CDKL3: variants seen among roughly 807,000 people sequenced by gnomAD.
CDKL3 encodes cyclin-dependent kinase-like 3.
Under a neutral mutation model 69.3 loss-of-function variants are expected in CDKL3, and 65 were observed. The observed-to-expected ratio is 0.94, with a 90% CI of 0.77 to 1.15. CDKL3 has a LOEUF of 1.15. CDKL3 is among the 50% of genes most tolerant of loss of function. The pLI, the probability that CDKL3 is intolerant of heterozygous loss-of-function variation, is 0.00. For synonymous variants in CDKL3, 202 were observed against 221.6 expected, an observed-to-expected ratio of 0.91 and a Z score of 0.79; for missense variants, 652 against 689.2, an observed-to-expected ratio of 0.95 and a Z score of 0.61.
intron 4 of CDKL3, among the ~76,000 whole-genome samples, chr5:134,336,238 G>C (rs1777084933): frequency 6.6e-6 from 1 of 152,020 alleles, no homozygotes; most frequent in African/African-American, 2.4e-5. Flanking sequence ...CTTTTTTCAA[G>C]GTTTTTAGCT....
At chr5:134,363,957 TAAAAAAAAAA>T (rs1206131261) in intron 2 of CDKL3, among the ~76,000 whole-genome samples, 1 of 96,434 alleles carries the variant, frequency 1.0e-5, no homozygotes, top group Non-Finnish European at 2.1e-5. Flanking sequence ...CTCCATTTCT[TAAAAAAAAAA>T]AAAAAAAAAA....
chr5:134,303,386 T>A (rs1766845280), intron 11 of CDKL3, among the ~76,000 whole-genome samples: 1 of 152,176 alleles, frequency 6.6e-6, no homozygotes. Flanking sequence ...CTATAAATCT[T>A]ATATATTTAA....
chr5:134,334,443 G>C (rs1289914158), intron 4 of CDKL3, among the ~76,000 whole-genome samples: 4 of 151,964 alleles, frequency 2.6e-5, no homozygotes, highest in African/African-American at 7.3e-5. Context: ...TTCTCTTATG[G>C]GCACTTAGTG....
At chr5:134,334,593 A>AT (rs1448435715) in intron 4 of CDKL3, among the ~76,000 whole-genome samples, 2 of 152,064 alleles carry the variant, frequency 1.3e-5, no homozygotes, top group Non-Finnish European at 2.9e-5. Flanking sequence ...TCAGGAACAG[A>AT]TTGTTCAGTT....
intron 12 of CDKL3, among the ~76,000 whole-genome samples, chr5:134,301,447 T>C (rs1046748716): frequency 2.6e-5 from 4 of 152,224 alleles, no homozygotes; most frequent in African/African-American, 9.6e-5. Flanking sequence ...CCAAATATTA[T>C]AGAGATCAAG....
intron 5 of CDKL3, 116 bp from the exon 6 acceptor site, chr5:134,319,613 G>A: frequency 1.1e-6 from 1 of 918,332 alleles, no homozygotes; most frequent in Non-Finnish European, 1.6e-6. Context: ...GGAAGAATGT[G>A]AATTATGTAT....
chr5:134,351,782 A>G (rs1753371690), intron 3 of CDKL3, among the ~76,000 whole-genome samples: 4 of 152,172 alleles, frequency 2.6e-5, no homozygotes, highest in Admixed American at 2.6e-4. Flanking sequence ...TAACATTGTT[A>G]ATTTTAATTG....
At chr5:134,363,870 AT>A (rs1458987422) in intron 2 of CDKL3, among the ~76,000 whole-genome samples, 1 of 151,238 alleles carries the variant, frequency 6.6e-6, no homozygotes, top group Non-Finnish European at 1.5e-5. Context: ...AGACAGGAAG[AT>A]CGCTTAAGCC....
At chr5:134,355,235 G>GAAAAAAAAAAA (rs60153337) in intron 3 of CDKL3, among the ~76,000 whole-genome samples, 2 of 74,468 alleles carry the variant, frequency 2.7e-5, no homozygotes, top group African/African-American at 4.4e-5. Flanking sequence ...TCTGTCTCAG[G>GAAAAAAAAAAA]AAAAAAAAAA....
chr5:134,300,151 C>A (rs1203604825), intron 12 of CDKL3, among the ~76,000 whole-genome samples: 1 of 152,112 alleles, frequency 6.6e-6, no homozygotes, highest in Non-Finnish European at 1.5e-5. Flanking sequence ...CCAGCCTGGA[C>A]AACATGGTGA....
At chr5:134,366,598 T>C in intron 1 of CDKL3, 54 bp from the exon 2 acceptor site, 1 of 1,094,928 alleles carries the variant, frequency 9.1e-7, no homozygotes, top group Non-Finnish European at 1.3e-6. Context: ...ATACTTTTAT[T>C]TATTAAAACT....
chr5:134,336,870 G>C (rs1199787740), intron 4 of CDKL3, among the ~76,000 whole-genome samples: 1 of 152,204 alleles, frequency 6.6e-6, no homozygotes, highest in Non-Finnish European at 1.5e-5. Context: ...AGAGCTGTCA[G>C]GCAGGGACGT....
In CDKL3 at chr5:134,302,632, T is replaced by A. The variant is rs1188911099; in HGVS notation, c.1677A>T (p.Ile559=). ...TTTGATCCACGTTAAGTAAAGTTGG[T>A]ATCTTAGATGACTCTGTTTTCTTTG... ...RESKKTESSK[I]PTLLNVDQNQ... is the part of the protein sequence containing the mutation. The change falls in exon 12 of 13, where the codon ATA becomes ATT. Residue 559 remains isoleucine, a synonymous_variant. Coordinates refer to ENST00000265334, the MANE Select transcript of CDKL3 (RefSeq NM_001113575.2). 1 of 1,603,870 alleles carries A rather than the reference T, an allele frequency of 6.2e-7. No homozygotes were observed. The highest frequency in any genetic ancestry group is 1.1e-5 in the South Asian group (1 of 89,444).
At chr5:134,360,368 C>T (rs1755724085) in intron 2 of CDKL3, among the ~76,000 whole-genome samples, 1 of 152,110 alleles carries the variant, frequency 6.6e-6, no homozygotes, top group Admixed American at 6.6e-5. Context: ...CCATGCCCAG[C>T]TCATTTTTGT....
intron 4 of CDKL3, among the ~76,000 whole-genome samples, chr5:134,330,589 C>A (rs1381689908): frequency 6.6e-6 from 1 of 152,102 alleles, no homozygotes; most frequent in African/African-American, 2.4e-5. Context: ...GTGGCACATA[C>A]CTGTAGTCCC....
chr5:134,350,825 A>G (rs1251955743), intron 3 of CDKL3, among the ~76,000 whole-genome samples: 3 of 144,606 alleles, frequency 2.1e-5, no homozygotes, highest in African/African-American at 8.1e-5. Flanking sequence ...AAAAAAAGAA[A>G]AAAAAGAAAA....
downstream of CDKL3, among the ~76,000 whole-genome samples, chr5:134,283,728 T>G (rs952636396): frequency 1.3e-5 from 2 of 152,026 alleles, no homozygotes; most frequent in Admixed American, 6.6e-5. Flanking sequence ...AAGTCTTAAC[T>G]CATTTCAGCA....
At chr5:134,370,030 AG>A (rs1300503419), upstream of CDKL3, among the ~76,000 whole-genome samples, 1 of 152,242 alleles carries the variant, frequency 6.6e-6, no homozygotes, top group African/African-American at 2.4e-5. Flanking sequence ...ATCAAGAGTT[AG>A]GCCTGGCTAA....
At position 134,366,507 on chromosome 5, in the gene CDKL3, G is replaced by C; in HGVS notation, c.17C>G (p.Thr6Ser). Reference sequence around the variant, plus strand: ...ACTTCCCTCTCCCACTTTTCCAAGGGTTTCATACATCTCCATTTTCAAGCT... The same window carrying C: ...ACTTCCCTCTCCCACTTTTCCAAGGCTTTCATACATCTCCATTTTCAAGCT... MEMYE[T>S]LGKVGEGSYG... Residue 6 changes from threonine to serine, a missense_variant, in exon 2 of 13, where the codon ACC (threonine) becomes AGC (serine). Coordinates refer to ENST00000265334, the MANE Select transcript of CDKL3 (RefSeq NM_001113575.2). 6.2e-7 allele frequency: 1 copy of C among 1,601,008 alleles called. No individual in the cohort carries two copies. Among genetic ancestry groups the C allele is most frequent in the Non-Finnish European group, 8.5e-7 (1 of 1,175,248 alleles).
Sources: gnomAD v4.1 joint callset for allele counts (sites outside exome capture counted in the v4.1 genomes callset) on GRCh38, gnomAD v4.1.1 for gene constraint, MANE v1.5 for transcripts, NCBI Gene and HGNC (gene_info 2026-07-23, HGNC 2026-07-21) for gene names.